Variants in NHS observed in about 807,000 individuals in gnomAD.
The protein encoded by NHS is actin remodeling regulator NHS.
In NHS, 5 loss-of-function variants were observed where a neutral mutation model predicts 72.5. That is an observed-to-expected ratio of 0.07 (90% confidence interval 0.04 to 0.14). The LOEUF (loss-of-function observed/expected upper bound fraction) is 0.14. NHS is among the 10% of genes least tolerant of loss of function. The probability of loss-of-function intolerance (pLI) is 1.00; values close to 1 mark genes in which losing one functional copy is unlikely to be tolerated. For synonymous variants in NHS, 464 were observed against 547.7 expected (o/e 0.85, Z 2.13); for missense variants, 1,072 against 1,355.7 (o/e 0.79, Z 3.29).
At chrX:17,441,848 T>C (rs2064756327) in intron 1 of NHS, among the ~76,000 whole-genome samples, 2 of 112,042 alleles carry the variant, frequency 1.8e-5, no homozygotes, top group South Asian at 7.5e-4. Context: ...AAGGAGGAGC[T>C]GGGTGAGCCT....
At chrX:17,501,864 A>T (rs1052387302) in intron 1 of NHS, among the ~76,000 whole-genome samples, 2 of 112,285 alleles carry the variant, frequency 1.8e-5, no homozygotes, top group African/African-American at 6.5e-5. Context: ...AGAAAACATG[A>T]TCACTATCCT....
chrX:17,665,360 G>A (rs1315845187), intron 1 of NHS, among the ~76,000 whole-genome samples: 1 of 76,745 alleles, frequency 1.3e-5, no homozygotes, highest in African/African-American at 5.5e-5. Context: ...ACGGAGTCTC[G>A]CTGTCGCCCA....
chrX:17,469,331 C>A (rs375385608), intron 1 of NHS, among the ~76,000 whole-genome samples: 4 of 112,239 alleles, frequency 3.6e-5, no homozygotes, highest in Admixed American at 2.8e-4. Context: ...GGGTATATAT[C>A]CAAGGGAGGA....
At chrX:17,711,681 T>C (rs1047292350) in intron 3 of NHS, among the ~76,000 whole-genome samples, 1 of 111,670 alleles carries the variant, frequency 9.0e-6, no homozygotes, top group Admixed American at 9.5e-5. Context: ...CTAGGGACAG[T>C]TGTCACACCC....
At chrX:17,433,188 C>T (rs1472807470) in intron 1 of NHS, among the ~76,000 whole-genome samples, 2 of 102,459 alleles carry the variant, frequency 2.0e-5, no homozygotes, top group Admixed American at 2.1e-4. Context: ...CGCCACCACG[C>T]CCGGCTACTT....
chrX:17,698,917 T>C (rs2066246693), intron 3 of NHS, among the ~76,000 whole-genome samples: 1 of 111,380 alleles, frequency 9.0e-6, no homozygotes, highest in Non-Finnish European at 1.9e-5. Context: ...ATGCCCCTAA[T>C]GTTTCCATAC....
intron 6 of NHS, among the ~76,000 whole-genome samples, chrX:17,725,132 C>T (rs1163930081): frequency 5.4e-5 from 6 of 110,546 alleles, no homozygotes; most frequent in Non-Finnish European, 9.4e-5. Flanking sequence ...AGCATATCTT[C>T]TCTTGGTATG....
chrX:17,378,911 T>C (rs1435558511), intron 1 of NHS, among the ~76,000 whole-genome samples: 1 of 111,687 alleles, frequency 9.0e-6, no homozygotes, highest in Admixed American at 9.5e-5. Flanking sequence ...AAGCCTATGA[T>C]GTGCACAGGA....
At position 17,726,688 on chromosome X, in the gene NHS, C is replaced by T. The variant is rs756563070; in HGVS notation, c.2582C>T (p.Ser861Phe). ...PPKRSSSLRKSDGNADISEKK... is the reference protein window; with the variant it reads ...PPKRSSSLRKFDGNADISEKK... ...AAACGTAGCTCATCATTGAGGAAGT[C>T]TGATGGAAACGCAGATATTTCTGAG... Residue 861 changes from serine (S) to phenylalanine (F), a missense_variant, in exon 7 of 9, where the codon TCT becomes TTT. Ser to Phe is a radical substitution (Grantham distance 155, BLOSUM62 -2). Coordinates refer to ENST00000676302, the MANE Select transcript of NHS (RefSeq NM_001291867.2). 3.3e-6 allele frequency: 4 copies of T among 1,211,849 alleles called. No homozygotes were observed. In the South Asian group the frequency reaches 5.3e-5, roughly 16 times the overall value.
intron 1 of NHS, among the ~76,000 whole-genome samples, chrX:17,387,581 C>A (rs1263745228): frequency 8.9e-6 from 1 of 111,934 alleles, no homozygotes; most frequent in Non-Finnish European, 1.9e-5. Context: ...GGTTGAAATT[C>A]ATGACCTTTT....
At chrX:17,615,690 C>T (rs1222310622) in intron 1 of NHS, among the ~76,000 whole-genome samples, 1 of 110,812 alleles carries the variant, frequency 9.0e-6, no homozygotes, top group Non-Finnish European at 1.9e-5. Flanking sequence ...GTCAGGACCT[C>T]TCTCCCTTTT....
At chrX:17,507,675 T>C (rs965781587) in intron 1 of NHS, among the ~76,000 whole-genome samples, 6 of 112,406 alleles carry the variant, frequency 5.3e-5, no homozygotes, top group African/African-American at 1.9e-4. Context: ...CCGAGGTGTC[T>C]GATCACTTTC....
intron 1 of NHS, among the ~76,000 whole-genome samples, chrX:17,614,575 T>C (rs1276362123): frequency 1.8e-5 from 2 of 111,795 alleles, no homozygotes; most frequent in Non-Finnish European, 3.8e-5. Flanking sequence ...TACAACTGAT[T>C]ATAGGTGTAT....
At chrX:17,617,947 C>A (rs1239598474) in intron 1 of NHS, among the ~76,000 whole-genome samples, 2 of 112,188 alleles carry the variant, frequency 1.8e-5, no homozygotes, top group African/African-American at 6.5e-5. Context: ...CATCCCTCAG[C>A]TATGGCGGGA....
intron 1 of NHS, among the ~76,000 whole-genome samples, chrX:17,410,409 C>A (rs1406926522): frequency 9.1e-6 from 1 of 109,782 alleles, no homozygotes; most frequent in Non-Finnish European, 1.9e-5. Flanking sequence ...CAGGACCTTG[C>A]GTTGGGATAA....
At chrX:17,529,557 G>A (rs140900542) in intron 1 of NHS, among the ~76,000 whole-genome samples, 85 of 111,314 alleles carry the variant, frequency 7.6e-4, no homozygotes, top group East Asian at 5.1e-3. Context: ...AAGCTGACGC[G>A]TTGTTTTTCT....
intron 1 of NHS, among the ~76,000 whole-genome samples, chrX:17,536,358 AAAACAAACAAACAAAAAAC>A (rs1368044124): frequency 4.5e-5 from 5 of 111,862 alleles, no homozygotes; most frequent in Admixed American, 1.9e-4. Flanking sequence ...CCGTCTCAAA[AAAACAAACAAACAAAAAAC>A]AAACAAACAA....
intron 1 of NHS, among the ~76,000 whole-genome samples, chrX:17,540,800 C>T (rs1028054098): frequency 3.6e-5 from 4 of 112,300 alleles, no homozygotes; most frequent in African/African-American, 1.3e-4. Context: ...ATTGTGTGGG[C>T]TGGGCACGGT....
chrX:17,597,459 A>G (rs2065630551), intron 1 of NHS, among the ~76,000 whole-genome samples: 1 of 107,252 alleles, frequency 9.3e-6, no homozygotes, highest in Non-Finnish European at 1.9e-5. Context: ...GAAAAAACAA[A>G]AAACTGGCAG....
Sources: gnomAD v4.1 joint callset for allele counts (sites outside exome capture counted in the v4.1 genomes callset) on GRCh38, gnomAD v4.1.1 for gene constraint, MANE v1.5 for transcripts, NCBI Gene and HGNC (gene_info 2026-07-23, HGNC 2026-07-21) for gene names.